Variants in ARHGAP20 observed in about 807,000 individuals in gnomAD.
ARHGAP20 encodes rho GTPase-activating protein 20.
In ARHGAP20, 34 loss-of-function variants were observed where a neutral mutation model predicts 73.7. The ratio of observed to expected loss-of-function variants is 0.46; its 90% CI spans 0.35 to 0.61. The LOEUF is 0.61. Ranked by LOEUF, ARHGAP20 falls within the 20% of genes least tolerant of loss-of-function variation. The pLI, the probability that ARHGAP20 is intolerant of heterozygous loss-of-function variation, is 0.00. For synonymous variants in ARHGAP20, 523 were observed against 518.2 expected (o/e 1.01, Z -0.13); for missense variants, 1,314 against 1,420.9 (o/e 0.92, Z 1.21).
intron 7 of ARHGAP20, among the ~76,000 whole-genome samples, chr11:110,609,303 C>T (rs546628796): frequency 6.6e-6 from 1 of 152,248 alleles, no homozygotes; most frequent in South Asian, 2.1e-4. Context: ...TCTTTAGAGT[C>T]CTGACTTCTG....
Position 110,690,633 on chromosome 11 carries a change from T to A in ARHGAP20, c.106-4A>T. On this transcript the variant is annotated splice_region_variant and splice_polypyrimidine_tract_variant and intron_variant, in intron 1 of 14. Coordinates refer to ENST00000683387, the MANE Select transcript of ARHGAP20 (RefSeq NM_001384657.1). ...TTTCTGCTAGTGTTTTCATTTTCTG[T>A]TGATGAAACAAACCAAAATGAAGAC... The A allele has an allele frequency of 6.2e-7, 1 of 1,613,946 alleles. No homozygotes were observed. Among genetic ancestry groups the A allele is most frequent in the South Asian group, 1.1e-5 (1 of 91,078 alleles).
intron 2 of ARHGAP20, among the ~76,000 whole-genome samples, chr11:110,674,000 A>G (rs1233695908): frequency 6.6e-6 from 1 of 150,902 alleles, no homozygotes; most frequent in African/African-American, 2.4e-5. Flanking sequence ...GTGCAGTGGC[A>G]TGATCTCAGC....
chr11:110,688,911 T>C (rs1950187329), intron 2 of ARHGAP20, among the ~76,000 whole-genome samples: 2 of 152,110 alleles, frequency 1.3e-5, no homozygotes, highest in Admixed American at 1.3e-4. Flanking sequence ...CGGAAGAAAG[T>C]GACGTGAGTG....
chr11:110,641,554 C>A (rs1949078571), intron 2 of ARHGAP20, among the ~76,000 whole-genome samples: 1 of 151,950 alleles, frequency 6.6e-6, no homozygotes, highest in Admixed American at 6.6e-5. Flanking sequence ...ATTTGAACTT[C>A]AAAGAGCCTC....
chr11:110,703,862 T>G (rs985858109), intron 1 of ARHGAP20, among the ~76,000 whole-genome samples: 4 of 152,128 alleles, frequency 2.6e-5, no homozygotes, highest in African/African-American at 9.7e-5. Context: ...AGGGCAGGGC[T>G]CCACTACATT....
In ARHGAP20 at chr11:110,644,295, A is replaced by C. The variant is rs866933523; in HGVS notation, c.189-13503T>G. Among the ~76,000 whole-genome samples the C allele has an allele frequency of 6.6e-5, 10 of 152,316 alleles. No homozygotes were observed. The South Asian group carries it at 8.3e-4, about 13-fold the overall frequency. The stretch of plus-strand genomic sequence containing the variant: ...CCAATGTCATTTTTCACAAAATTAG[A>C]AAGAAACTATTCCAAAATTCAAACA... On this transcript the variant is annotated intron_variant, in intron 2 of 14. Coordinates refer to ENST00000683387, the MANE Select transcript of ARHGAP20 (RefSeq NM_001384657.1).
At chr11:110,707,244 G>C (rs926832671) in intron 1 of ARHGAP20, among the ~76,000 whole-genome samples, 1 of 152,026 alleles carries the variant, frequency 6.6e-6, no homozygotes, top group Non-Finnish European at 1.5e-5. Context: ...GAAACCAAAA[G>C]GTCAGAATAT....
intron 8 of ARHGAP20, 75 bp downstream of exon 8, chr11:110,608,909 G>T: frequency 1.6e-6 from 2 of 1,261,172 alleles, no homozygotes; most frequent in Non-Finnish European, 1.1e-6. Flanking sequence ...AGGACCATAT[G>T]ACCAATTCTC....
intron 2 of ARHGAP20, among the ~76,000 whole-genome samples, chr11:110,662,168 A>G (rs766841309): frequency 1.3e-5 from 2 of 151,842 alleles, no homozygotes; most frequent in African/African-American, 2.4e-5. Context: ...ATAGTTGCTT[A>G]TATCAAAAAG....
intron 12 of ARHGAP20, among the ~76,000 whole-genome samples, chr11:110,584,476 T>C (rs1365554308): frequency 3.3e-5 from 5 of 152,054 alleles, no homozygotes; most frequent in Non-Finnish European, 7.4e-5. Flanking sequence ...GTCTGACTGC[T>C]GCTTGCACAA....
intron 1 of ARHGAP20, among the ~76,000 whole-genome samples, chr11:110,692,486 AC>A (rs767532372): frequency 6.6e-6 from 1 of 151,900 alleles, no homozygotes; most frequent in Non-Finnish European, 1.5e-5. Flanking sequence ...TGTCCCTCAC[AC>A]CCTCTGTCTG....
At chr11:110,696,319 C>A (rs1191492012) in intron 1 of ARHGAP20, among the ~76,000 whole-genome samples, 2 of 151,562 alleles carry the variant, frequency 1.3e-5, no homozygotes, top group Non-Finnish European at 3.0e-5. Flanking sequence ...GTATGGTATG[C>A]AAATTGATTT....
At chr11:110,707,110 G>A (rs1198363595) in intron 1 of ARHGAP20, among the ~76,000 whole-genome samples, 1 of 152,152 alleles carries the variant, frequency 6.6e-6, no homozygotes, top group Non-Finnish European at 1.5e-5. Flanking sequence ...AACAGCAGCT[G>A]CTACATTTAA....
chr11:110,603,543 T>A (rs1022011557), intron 9 of ARHGAP20, among the ~76,000 whole-genome samples: 2 of 152,170 alleles, frequency 1.3e-5, no homozygotes, highest in Non-Finnish European at 2.9e-5. Flanking sequence ...AGAAGCAAGA[T>A]CTTGATTCAC....
chr11:110,611,185 G>A (rs186958284), intron 7 of ARHGAP20, 124 bp downstream of exon 7: 119 of 537,182 alleles, frequency 2.2e-4, no homozygotes, highest in Middle Eastern at 1.3e-3. Flanking sequence ...CTATATTTTG[G>A]GGAATAAAAT....
chr11:110,611,335 T>G lies in ARHGAP20; in HGVS notation c.682A>C (p.Met228Leu). 1 of 1,570,964 alleles carries G rather than the reference T, an allele frequency of 6.4e-7. No individual in the cohort carries two copies. The highest frequency in any genetic ancestry group is 1.2e-5 in the South Asian group (1 of 84,408). ...NSDTANEVIN[M>L]SLPMLGITGS... Reference sequence around the variant, plus strand: ...GTTATCCCTAGCATTGGTAATGACATGTTGATAACTTCATTCGCTGTATCT... The same window carrying G: ...GTTATCCCTAGCATTGGTAATGACAGGTTGATAACTTCATTCGCTGTATCT... Residue 228 changes from methionine to leucine, a missense_variant, in exon 7 of 15, where the codon ATG becomes CTG. Transcript: ENST00000683387.
chr11:110,602,182 G>C (rs1231203563), intron 9 of ARHGAP20, among the ~76,000 whole-genome samples: 3 of 151,878 alleles, frequency 2.0e-5, no homozygotes, highest in Middle Eastern at 3.4e-3. Context: ...GTTACATCTT[G>C]ACTGTTTCAA....
chr11:110,603,427 TTACA>T (rs1399408049), intron 9 of ARHGAP20, among the ~76,000 whole-genome samples: 1 of 152,226 alleles, frequency 6.6e-6, no homozygotes, highest in African/African-American at 2.4e-5. Flanking sequence ...AAAACAGTGC[TTACA>T]TACAAAGTTT....
chr11:110,588,762 T>C (rs1213892421), intron 11 of ARHGAP20, among the ~76,000 whole-genome samples: 2 of 152,168 alleles, frequency 1.3e-5, no homozygotes, highest in South Asian at 2.1e-4. Context: ...AAGAATAGCA[T>C]AGTAAGAAAT....
Sources: allele counts gnomAD v4.1 joint callset (sites outside exome capture counted in the v4.1 genomes callset), GRCh38; gene constraint gnomAD v4.1.1; transcripts MANE v1.5; gene names NCBI Gene and HGNC (gene_info 2026-07-23, HGNC 2026-07-21).